Variants in CAMK1D observed in about 807,000 individuals in gnomAD.
The protein encoded by CAMK1D is calcium/calmodulin-dependent protein kinase type 1D.
Under a neutral mutation model 47.7 loss-of-function variants are expected in CAMK1D, and 9 were observed. That is an observed-to-expected ratio of 0.19 (90% CI 0.11 to 0.33). CAMK1D has a LOEUF of 0.33. Ranked by LOEUF, CAMK1D falls within the 10% of genes least tolerant of loss-of-function variation. The pLI is 1.00. For missense variants in CAMK1D, 291 were observed against 488.7 expected (o/e 0.60, Z 3.81); for synonymous variants, 184 against 184.9 (o/e 0.99, Z 0.04).
chr10:12,585,896 C>T (rs1020677049), intron 2 of CAMK1D, among the ~76,000 whole-genome samples: 4 of 152,194 alleles, frequency 2.6e-5, no homozygotes, highest in African/African-American at 4.8e-5. Flanking sequence ...CTGTGCTGCT[C>T]AGGGCCGTTC....
intron 5 of CAMK1D, among the ~76,000 whole-genome samples, chr10:12,770,826 G>A (rs1837003254): frequency 6.6e-6 from 1 of 152,134 alleles, no homozygotes; most frequent in Non-Finnish European, 1.5e-5. Flanking sequence ...CCTGAAGGCT[G>A]GGAGAGGGTA....
At chr10:12,355,541 G>T (rs1350527128) in intron 1 of CAMK1D, among the ~76,000 whole-genome samples, 1 of 151,930 alleles carries the variant, frequency 6.6e-6, no homozygotes, top group Non-Finnish European at 1.5e-5. Context: ...GAGGTGGTTT[G>T]TATATTTGAC....
At chr10:12,497,213 T>A (rs891840727) in intron 1 of CAMK1D, among the ~76,000 whole-genome samples, 2 of 152,178 alleles carry the variant, frequency 1.3e-5, no homozygotes, top group Non-Finnish European at 2.9e-5. Context: ...GCGTGGTGGC[T>A]CATGCCTGTA....
chr10:12,570,342 G>T (rs1227388559), intron 2 of CAMK1D, among the ~76,000 whole-genome samples: 4 of 152,176 alleles, frequency 2.6e-5, no homozygotes, highest in East Asian at 3.9e-4. Flanking sequence ...TATTTTTGTA[G>T]ATGCCGTTAA....
At chr10:12,641,917 C>T (rs774088826) in intron 2 of CAMK1D, among the ~76,000 whole-genome samples, 9 of 152,000 alleles carry the variant, frequency 5.9e-5, no homozygotes, top group South Asian at 4.2e-4. Context: ...TGGTGGAGGG[C>T]GCCTGTAGTC....
chr10:12,747,759 C>T (rs1001257751), intron 3 of CAMK1D, among the ~76,000 whole-genome samples: 6 of 152,114 alleles, frequency 3.9e-5, no homozygotes, highest in East Asian at 1.9e-4. Context: ...CCAGCAGGCT[C>T]GAGTCCTGGG....
rs766805856 is a variant in CAMK1D, at chr10:12,816,345, G to T, written c.833+17G>T. ...GCACCCATGGTAAGGAAATGCACCC[G>T]CTCAGCAGACCGTGCCATTTAATGC... On this transcript the variant is annotated intron_variant, in intron 8 of 10. Transcript: ENST00000619168. 1 of 1,607,990 alleles carries T rather than the reference G, an allele frequency of 6.2e-7. No individual in the cohort carries two copies. Among genetic ancestry groups the T allele is most frequent in the South Asian group, 1.1e-5 (1 of 90,456 alleles).
At chr10:12,721,891 A>T (rs1049100718) in intron 3 of CAMK1D, among the ~76,000 whole-genome samples, 1 of 152,232 alleles carries the variant, frequency 6.6e-6, no homozygotes, top group Non-Finnish European at 1.5e-5. Flanking sequence ...GGTTTTAGAC[A>T]GTAGGAGTTT....
intron 1 of CAMK1D, among the ~76,000 whole-genome samples, chr10:12,437,138 T>C (rs1009575912): frequency 6.6e-6 from 1 of 151,140 alleles, no homozygotes; most frequent in African/African-American, 2.4e-5. Flanking sequence ...ACAGACCGAC[T>C]ATCTATCTAT....
intron 3 of CAMK1D, among the ~76,000 whole-genome samples, chr10:12,721,956 A>G (rs1735690240): frequency 6.6e-6 from 1 of 152,192 alleles, no homozygotes; most frequent in Non-Finnish European, 1.5e-5. Context: ...AGCAGGCTCT[A>G]TAACAAGAGG....
chr10:12,822,383 G>A (rs1172382083), intron 8 of CAMK1D, among the ~76,000 whole-genome samples: 1 of 152,230 alleles, frequency 6.6e-6, no homozygotes, highest in Non-Finnish European at 1.5e-5. Context: ...CCAGGACTGT[G>A]GGAAATGAGC....
At chr10:12,615,680 TA>T (rs1401408131) in intron 2 of CAMK1D, among the ~76,000 whole-genome samples, 1 of 146,266 alleles carries the variant, frequency 6.8e-6, no homozygotes, top group Non-Finnish European at 1.5e-5. Context: ...TATTTGTGTA[TA>T]GGTGTGTGTG....
At chr10:12,660,538 G>A (rs1171612282) in intron 2 of CAMK1D, among the ~76,000 whole-genome samples, 1 of 152,178 alleles carries the variant, frequency 6.6e-6, no homozygotes, top group South Asian at 2.1e-4. Flanking sequence ...TTGCTTGGCT[G>A]TCAGTTACTA....
At chr10:12,769,435 A>G (rs765985897) in intron 4 of CAMK1D, among the ~76,000 whole-genome samples, 15 of 152,270 alleles carry the variant, frequency 9.9e-5, no homozygotes, top group Non-Finnish European at 1.6e-4. Context: ...TTTAAAGTAG[A>G]CAAAATATTA....
chr10:12,480,208 G>T (rs1364569823), intron 1 of CAMK1D, among the ~76,000 whole-genome samples: 6 of 152,076 alleles, frequency 3.9e-5, no homozygotes, highest in Non-Finnish European at 4.4e-5. Flanking sequence ...TCAGCACTTC[G>T]GGAGGCCGAG....
intron 3 of CAMK1D, among the ~76,000 whole-genome samples, chr10:12,746,231 A>G (rs532731825): frequency 0.01 from 1,531 of 150,078 alleles, 27 homozygotes; most frequent in African/African-American, 0.036. Context: ...GGGCGTGGTG[A>G]CAGGTGCCTG....
chr10:12,724,006 G>A (rs1327899087), intron 3 of CAMK1D, among the ~76,000 whole-genome samples: 2 of 152,114 alleles, frequency 1.3e-5, no homozygotes, highest in East Asian at 1.9e-4. Flanking sequence ...GAGAACATGC[G>A]GTGGTGTTTT....
At chr10:12,380,726 C>A (rs745448721) in intron 1 of CAMK1D, among the ~76,000 whole-genome samples, 1 of 152,018 alleles carries the variant, frequency 6.6e-6, no homozygotes. Flanking sequence ...CATGGGGTCA[C>A]GTGCCTGTAG....
intron 2 of CAMK1D, among the ~76,000 whole-genome samples, chr10:12,584,539 G>C (rs1449004452): frequency 6.6e-6 from 1 of 152,070 alleles, no homozygotes; most frequent in African/African-American, 2.4e-5. Flanking sequence ...GGCCCAGTAG[G>C]CTGGGCGTGG....
Sources: gnomAD v4.1 joint callset for allele counts (sites outside exome capture counted in the v4.1 genomes callset) on GRCh38, gnomAD v4.1.1 for gene constraint, MANE v1.5 for transcripts, NCBI Gene and HGNC (gene_info 2026-07-23, HGNC 2026-07-21) for gene names.